The following UGT1A8 variants were observed in gnomAD, a reference collection of about 807,000 sequenced individuals.
UGT1A8 encodes the protein UDP-glucuronosyltransferase 1A8.
In UGT1A8, 39 loss-of-function variants were observed where a neutral mutation model predicts 45.3. That is an observed-to-expected ratio of 0.86 (90% CI 0.67 to 1.12). The LOEUF (loss-of-function observed/expected upper bound fraction) is 1.12, where lower values mean the gene tolerates loss of function less well. Ranked by LOEUF, UGT1A8 falls within the 50% of genes most tolerant of loss-of-function variation. The pLI, the probability that UGT1A8 is intolerant of heterozygous loss-of-function variation, is 0.00. For missense variants in UGT1A8, 719 were observed against 664.9 expected (o/e 1.08, Z -0.90); for synonymous variants, 275 against 249.2 (o/e 1.10, Z -0.97).
chr2:233,713,465 G>T lies in UGT1A8; in HGVS notation c.856-53569G>T, dbSNP rs147117995. ...TAACAGACCCCTTTCACCTCTGCGCGGCGGTGCTGGCTAAGTACCTGTCGA... is the reference window on the plus strand; with the variant it reads ...TAACAGACCCCTTTCACCTCTGCGCTGCGGTGCTGGCTAAGTACCTGTCGA... On this transcript the variant is annotated intron_variant, in intron 1 of 4. Transcript: ENST00000373450. 3.1e-6 allele frequency: 5 copies of T among 1,613,916 alleles called. No homozygotes were observed. In the African/African-American group the frequency reaches 5.3e-5, roughly 17 times the overall value.
At chr2:233,716,338 G>A (rs561710355) in intron 1 of UGT1A8, among the ~76,000 whole-genome samples, 6 of 152,144 alleles carry the variant, frequency 3.9e-5, no homozygotes, top group African/African-American at 1.2e-4. Context: ...CCAGGTTTGC[G>A]CAACTACAAT....
At chr2:233,771,766 C>A (rs1025155606) in intron 4 of UGT1A8, among the ~76,000 whole-genome samples, 2 of 151,968 alleles carry the variant, frequency 1.3e-5, no homozygotes, top group Admixed American at 6.6e-5. Context: ...CTTCCTCCGT[C>A]CCTCTCTCCT....
At position 233,711,373 on chromosome 2, in the gene UGT1A8, G is replaced by A. The variant is rs28898592; in HGVS notation, c.856-55661G>A. On this transcript the variant is annotated intron_variant, in intron 1 of 4. Transcript: ENST00000373450. ...GGGGAGCCCCCTGAATGTGGTGAGA[G>A]CACCCTCCCAGGTGTGTTCCACCCT... is the stretch of plus-strand genomic sequence containing the variant. Among the ~76,000 whole-genome samples the A allele has an allele frequency of 3.7e-3, 562 of 152,368 alleles. 5 individuals are homozygous for A. Among genetic ancestry groups the A allele is most frequent in the African/African-American group, 0.013 (535 of 41,588 alleles).
chr2:233,722,240 A>G (rs538416824), intron 1 of UGT1A8, among the ~76,000 whole-genome samples: 40 of 152,326 alleles, frequency 2.6e-4, no homozygotes, highest in Middle Eastern at 6.8e-3. Flanking sequence ...ATCATGTATT[A>G]TCTGTGACAG....
intron 1 of UGT1A8, chr2:233,672,849 T>C (rs1300994812): frequency 1.3e-6 from 2 of 1,548,914 alleles, no homozygotes; most frequent in Admixed American, 4.1e-5. Context: ...TAAAAAAGGA[T>C]TCTTTACTGA....
At chr2:233,767,317 G>A in intron 2 of UGT1A8, 152 bp downstream of exon 2, 4 of 1,492,088 alleles carry the variant, frequency 2.7e-6, no homozygotes, top group Non-Finnish European at 3.5e-6. Flanking sequence ...TTTTTTTGTT[G>A]TTGTGGTTGT....
chr2:233,637,127 C>T lies in UGT1A8; in HGVS notation c.855+18565C>T, dbSNP rs58704432. On this transcript the variant is annotated intron_variant, in intron 1 of 4. Transcript: ENST00000373450. ...CTCTTAGGGTTCTCAGATGCCATGACTTTCAAGGAGAGAGTATGGAACCAC... is the reference window on the plus strand; with the variant it reads ...CTCTTAGGGTTCTCAGATGCCATGATTTTCAAGGAGAGAGTATGGAACCAC... 614 of 1,613,964 alleles carry T rather than the reference C, an allele frequency of 3.8e-4. 3 individuals are homozygous for T. In the East Asian group the frequency reaches 0.013, roughly 35 times the overall value.
At chr2:233,645,978 C>G (rs1010991824) in intron 1 of UGT1A8, among the ~76,000 whole-genome samples, 37 of 152,214 alleles carry the variant, frequency 2.4e-4, no homozygotes, top group Non-Finnish European at 4.9e-4. Flanking sequence ...GGTCCTGCCC[C>G]TGCAGCAAAC....
chr2:233,631,278 G>A (rs2073181733), intron 1 of UGT1A8, among the ~76,000 whole-genome samples: 1 of 152,068 alleles, frequency 6.6e-6, no homozygotes, highest in Non-Finnish European at 1.5e-5. Context: ...CTTTGCTATT[G>A]TGAATAGTGC....
At chr2:233,673,229 G>C (rs1406544946) in intron 1 of UGT1A8, among the ~76,000 whole-genome samples, 2 of 151,920 alleles carry the variant, frequency 1.3e-5, no homozygotes, top group Non-Finnish European at 2.9e-5. Flanking sequence ...ATCTAGTATT[G>C]GGCTGGACAT....
intron 1 of UGT1A8, chr2:233,648,793 A>T: frequency 5.5e-6 from 5 of 904,832 alleles, no homozygotes; most frequent in South Asian, 5.4e-5. Context: ...GGAGAGAGTA[A>T]GGAACCACAT....
chr2:233,762,588 C>T lies in UGT1A8; in HGVS notation c.856-4446C>T, dbSNP rs557401720. On this transcript the variant is annotated intron_variant, in intron 1 of 4. Coordinates refer to ENST00000373450, the MANE Select transcript of UGT1A8 (RefSeq NM_019076.5). ...TCTAGTTCCCCACAGAGGAACATTA[C>T]AATTTGTATTCCAGGAGTTTTGTTG... is the stretch of plus-strand genomic sequence containing the variant. Among the ~76,000 whole-genome samples, 47 of 152,302 alleles carry T rather than the reference C, an allele frequency of 3.1e-4. No individual in the cohort carries two copies. In the Middle Eastern group the frequency reaches 0.014, roughly 44 times the overall value.
At chr2:233,668,949 T>C (rs1265886387) in intron 1 of UGT1A8, among the ~76,000 whole-genome samples, 2 of 152,250 alleles carry the variant, frequency 1.3e-5, no homozygotes, top group Non-Finnish European at 2.9e-5. Flanking sequence ...GCAATTCTGG[T>C]GAGGTATTCT....
chr2:233,666,453 A>G (rs1257401815), intron 1 of UGT1A8, among the ~76,000 whole-genome samples: 1 of 152,122 alleles, frequency 6.6e-6, no homozygotes, highest in Non-Finnish European at 1.5e-5. Context: ...GTTATCTTGA[A>G]CGTCTTTACA....
rs766058550 is a variant in UGT1A8, at chr2:233,767,176, T to C, written c.987+11T>C. 2 of 1,614,040 alleles carry C rather than the reference T, an allele frequency of 1.2e-6. No individual in the cohort carries two copies. Among genetic ancestry groups the C allele is most frequent in the Admixed American group, 1.7e-5 (1 of 60,022 alleles). Reference sequence around the variant, plus strand: ...AAAATCCCTCAGACAGTAAGAAGATTCTATACCATGGCCTCATATCTATTT... The same window carrying C: ...AAAATCCCTCAGACAGTAAGAAGATCCTATACCATGGCCTCATATCTATTT... On this transcript the variant is annotated intron_variant, in intron 2 of 4. Coordinates refer to ENST00000373450, the MANE Select transcript of UGT1A8 (RefSeq NM_019076.5).
At chr2:233,655,093 AAAAG>A (rs1355216846) in intron 1 of UGT1A8, among the ~76,000 whole-genome samples, 3 of 152,318 alleles carry the variant, frequency 2.0e-5, no homozygotes, top group African/African-American at 4.8e-5. Context: ...TCTCTCAAAA[AAAAG>A]AAAGAAAGAA....
chr2:233,675,228 C>T (rs771256236), intron 1 of UGT1A8, among the ~76,000 whole-genome samples: 3 of 152,108 alleles, frequency 2.0e-5, no homozygotes, highest in Non-Finnish European at 2.9e-5. Context: ...CAAATTTCAA[C>T]GTGAGATTTG....
chr2:233,682,220 G>A lies in UGT1A8; in HGVS notation c.855+63658G>A, dbSNP rs761343712. The stretch of plus-strand genomic sequence containing the variant: ...GGACCGGGAGTTCATGGTTTTTGCC[G>A]ATGCTCGCTGGACGGCACCATTGCG... On this transcript the variant is annotated intron_variant, in intron 1 of 4. Transcript: ENST00000373450. The A allele has an allele frequency of 2.6e-5, 42 of 1,614,084 alleles. No homozygotes were observed. The South Asian group carries it at 3.3e-4, about 13-fold the overall frequency.
chr2:233,642,286 C>T (rs578008238), intron 1 of UGT1A8, among the ~76,000 whole-genome samples: 1 of 152,302 alleles, frequency 6.6e-6, no homozygotes, highest in South Asian at 2.1e-4. Flanking sequence ...TTGGTCCATT[C>T]TGCTATTAAA....
Sources: gnomAD v4.1 joint callset for allele counts (sites outside exome capture counted in the v4.1 genomes callset) on GRCh38, gnomAD v4.1.1 for gene constraint, MANE v1.5 for transcripts, NCBI Gene and HGNC (gene_info 2026-07-23, HGNC 2026-07-21) for gene names.